Variants in MYOM2 observed in about 807,000 individuals in gnomAD.
MYOM2 encodes the protein myomesin 2.
MYOM2 carries 254 observed loss-of-function variants against 187.6 expected under a neutral mutation model. That is an observed-to-expected ratio of 1.35 (90% CI 1.22 to 1.50). The LOEUF (loss-of-function observed/expected upper bound fraction) is 1.50, where lower values mean the gene tolerates loss of function less well. Among genes scored for constraint, MYOM2 ranks in the 40% most tolerant of loss-of-function variants. The pLI is 0.00. For synonymous variants in MYOM2, 981 were observed against 753.8 expected (o/e 1.30, Z -4.94); for missense variants, 2,796 against 1,924.0 (o/e 1.45, Z -8.48).
chr8:2,079,331 C>T (rs541278403), intron 12 of MYOM2, among the ~76,000 whole-genome samples: 6 of 152,056 alleles, frequency 3.9e-5, no homozygotes, highest in South Asian at 2.1e-4. Flanking sequence ...TGGTTGTAAG[C>T]GAGCCACTAT....
Position 2,052,321 on chromosome 8 carries a change from C to T in MYOM2, c.263+8C>T, listed in dbSNP as rs1389694429. Reference sequence around the variant, plus strand: ...GCAGGAGAACAGAAGCAGGTGAGCACATGGCTTCCCTGACTCCACTTGTGC... The same window carrying T: ...GCAGGAGAACAGAAGCAGGTGAGCATATGGCTTCCCTGACTCCACTTGTGC... On this transcript the variant is annotated splice_region_variant and intron_variant, in intron 3 of 36. Coordinates refer to ENST00000262113, the MANE Select transcript of MYOM2 (RefSeq NM_003970.4). 12 of 1,590,590 alleles carry T rather than the reference C, an allele frequency of 7.5e-6. No homozygotes were observed. In the South Asian group the frequency reaches 1.0e-4, roughly 14 times the overall value.
intron 31 of MYOM2, among the ~76,000 whole-genome samples, chr8:2,128,560 A>T (rs1347157788): frequency 6.6e-6 from 1 of 152,200 alleles, no homozygotes; most frequent in African/African-American, 2.4e-5. Context: ...CATCTACCTC[A>T]AGCGAATTAG....
At chr8:2,081,933 G>A (rs759073031) in intron 13 of MYOM2, 2 of 152,266 alleles carry the variant, frequency 1.3e-5, no homozygotes, top group Admixed American at 6.5e-5. Context: ...GCAGGTTTCT[G>A]GCTGACTGGG....
intron 19 of MYOM2, among the ~76,000 whole-genome samples, chr8:2,100,113 TTTCCTTCCTTCCTTCTTTCCTTCC>T (rs1796646101): frequency 0.013 from 827 of 62,722 alleles, 29 homozygotes; most frequent in African/African-American, 0.042. Flanking sequence ...TCCTTCTTTC[TTTCCTTCCTTCCTTCTTTCCTTCC>T]TTCCTTCCTT....
chr8:2,059,412 C>T (rs1242034944), intron 6 of MYOM2, among the ~76,000 whole-genome samples, 167 bp downstream of exon 6: 1 of 152,122 alleles, frequency 6.6e-6, no homozygotes, highest in Non-Finnish European at 1.5e-5. Context: ...TTGGAAGCTT[C>T]CCTTTGTTTT....
chr8:2,122,094 T>C (rs1281880521), intron 28 of MYOM2, among the ~76,000 whole-genome samples: 1 of 152,236 alleles, frequency 6.6e-6, no homozygotes, highest in Admixed American at 6.5e-5. Flanking sequence ...TAAAATTTTT[T>C]TGAAGAAGAG....
intron 10 of MYOM2, among the ~76,000 whole-genome samples, chr8:2,074,260 G>A (rs957893630): frequency 1.3e-4 from 20 of 152,194 alleles, no homozygotes; most frequent in African/African-American, 3.9e-4. Flanking sequence ...TACAGTGATA[G>A]CAAAAGGAAA....
intron 18 of MYOM2, chr8:2,097,241 A>G (rs988406075): frequency 1.9e-5 from 7 of 376,168 alleles, no homozygotes; most frequent in Middle Eastern, 1.3e-3. Flanking sequence ...TACACATATG[A>G]TGATATATAG....
In MYOM2 at chr8:2,052,236, C is replaced by T. The variant is rs554148549; in HGVS notation, c.186C>T (p.Ser62=). The change falls in exon 3 of 37, where the codon TCC becomes TCT. Residue 62 remains serine, a synonymous_variant. Coordinates refer to ENST00000262113, the MANE Select transcript of MYOM2 (RefSeq NM_003970.4). ...CACAGAGAGCCTCCAGCCAGACGTC[C>T]CTGGGAGGAACCATCTGCAGGGTCT... is the stretch of plus-strand genomic sequence containing the variant. ...SSSQRASSQT[S]LGGTICRVCA... 2.5e-6 allele frequency: 4 copies of T among 1,613,326 alleles called. No homozygotes were observed. Among genetic ancestry groups the T allele is most frequent in the Admixed American group, 3.3e-5 (2 of 59,912 alleles).
At position 2,102,749 on chromosome 8, in the gene MYOM2, C is replaced by A. The variant is rs777488244; in HGVS notation, c.2702C>A (p.Thr901Lys). 1.2e-5 allele frequency: 19 copies of A among 1,613,834 alleles called. No homozygotes were observed. The highest frequency in any genetic ancestry group is 1.7e-5 in the Admixed American group (1 of 60,002). ...NANGVGKPSD[T>K]SEPVLVEARP... ...AATGGCGTGGGGAAGCCCTCAGACA[C>A]GTCGGAGCCTGTGCTGGTAGAGGCG... The change falls in exon 21 of 37, where the codon ACG becomes AAG. Residue 901 changes from threonine (T) to lysine (K), a missense_variant. Physicochemically the swap from Thr to Lys is moderately conservative, Grantham distance 78 (BLOSUM62 -1). Coordinates refer to ENST00000262113, the MANE Select transcript of MYOM2 (RefSeq NM_003970.4).
intron 14 of MYOM2, among the ~76,000 whole-genome samples, chr8:2,088,129 G>C (rs62478382): frequency 0.23 from 34,885 of 151,840 alleles, 4,083 homozygotes; most frequent in South Asian, 0.37. Flanking sequence ...GCGGTGATTT[G>C]AGAGATTTTG....
At chr8:2,092,834 G>T (rs536759786) in intron 16 of MYOM2, among the ~76,000 whole-genome samples, 1 of 152,138 alleles carries the variant, frequency 6.6e-6, no homozygotes, top group African/African-American at 2.4e-5. Flanking sequence ...TAGTGACTAC[G>T]ATGTGAAAGT....
rs1001515191 is a variant in MYOM2 at position 2,143,369 on chromosome 8, G to A, written c.4025-32G>A. On this transcript the variant is annotated intron_variant, in intron 35 of 36. Transcript: ENST00000262113. ...TGCTCCGTGGGAACGTCCCGCAGAT[G>A]TTTTCCTAACCAAGGTGCTTTCCCG... is the stretch of plus-strand genomic sequence containing the variant. The A allele has an allele frequency of 3.7e-6, 6 of 1,614,156 alleles. No homozygotes were observed. The Admixed American group carries it at 8.3e-5, about 22-fold the overall frequency.
At chr8:2,117,999 T>C in intron 28 of MYOM2, 47 bp downstream of exon 28, 1 of 1,559,862 alleles carries the variant, frequency 6.4e-7, no homozygotes, top group Non-Finnish European at 8.8e-7. Context: ...TCATTCTGGT[T>C]CCTATCAGAG....
chr8:2,074,952 A>G (rs753529602), intron 10 of MYOM2, among the ~76,000 whole-genome samples: 8 of 152,244 alleles, frequency 5.3e-5, no homozygotes, highest in Non-Finnish European at 7.3e-5. Context: ...CATCCCGATC[A>G]GCCGGGCATC....
intron 32 of MYOM2, among the ~76,000 whole-genome samples, chr8:2,139,560 C>T (rs1264755023): frequency 6.6e-6 from 1 of 152,168 alleles, no homozygotes; most frequent in Non-Finnish European, 1.5e-5. Context: ...CATAGGCATT[C>T]TTGGTTGCCG....
intron 10 of MYOM2, among the ~76,000 whole-genome samples, chr8:2,074,396 A>T (rs1232878748): frequency 6.6e-6 from 1 of 152,052 alleles, no homozygotes; most frequent in Non-Finnish European, 1.5e-5. Context: ...ATAACTTTGT[A>T]GTGTTTTTGG....
At chr8:2,083,490 G>A (rs1585871901) in intron 13 of MYOM2, among the ~76,000 whole-genome samples, 1 of 152,274 alleles carries the variant, frequency 6.6e-6, no homozygotes, top group South Asian at 2.1e-4. Flanking sequence ...ATGTCTAATG[G>A]CATCTCATGT....
chr8:2,053,042 C>T (rs920814711), intron 3 of MYOM2, among the ~76,000 whole-genome samples: 6 of 152,110 alleles, frequency 3.9e-5, no homozygotes, highest in Non-Finnish European at 7.3e-5. Context: ...TAAACGTTCG[C>T]GGGTGCCTTG....
Sources: gnomAD v4.1 joint callset for allele counts (sites outside exome capture counted in the v4.1 genomes callset) on GRCh38, gnomAD v4.1.1 for gene constraint, MANE v1.5 for transcripts, NCBI Gene and HGNC (gene_info 2026-07-23, HGNC 2026-07-21) for gene names.